The following CAMTA1 variants were observed in gnomAD, a reference collection of about 807,000 sequenced individuals.
CAMTA1 encodes the protein calmodulin binding transcription activator 1.
A neutral mutation model predicts 170.9 loss-of-function variants in CAMTA1; 27 were observed. That is an observed-to-expected ratio of 0.16 (90% CI 0.12 to 0.22). The LOEUF (loss-of-function observed/expected upper bound fraction) is 0.22. Ranked by LOEUF, CAMTA1 falls within the 10% of genes least tolerant of loss-of-function variation. The pLI is 1.00. For missense variants in CAMTA1, 1,619 were observed against 2,217.2 expected (o/e 0.73, Z 5.42); for synonymous variants, 833 against 891.5 (o/e 0.93, Z 1.17).
intron 4 of CAMTA1, among the ~76,000 whole-genome samples, chr1:7,132,512 C>T (rs995556954): frequency 2.0e-5 from 3 of 152,130 alleles, no homozygotes; most frequent in African/African-American, 7.2e-5. Context: ...TTTAATTTTA[C>T]ATAATTATAG....
chr1:7,449,783 A>AAG (rs1233895763), intron 5 of CAMTA1, among the ~76,000 whole-genome samples: 1 of 151,018 alleles, frequency 6.6e-6, no homozygotes, highest in Non-Finnish European at 1.5e-5. Flanking sequence ...AAAAAAAAAA[A>AAG]AAAAAGAAAG....
intron 11 of CAMTA1, among the ~76,000 whole-genome samples, chr1:7,701,747 C>T (rs1244209391): frequency 2.6e-5 from 4 of 152,100 alleles, no homozygotes; most frequent in African/African-American, 9.7e-5. Context: ...ACAAAAATTG[C>T]ACTTAACCTT....
Position 7,463,146 on chromosome 1 carries a change from C to T in CAMTA1, c.439-4684C>T, listed in dbSNP as rs541900735. On this transcript the variant is annotated intron_variant, in intron 5 of 22. Transcript: ENST00000303635. The surrounding 1 kb of genome is among the most constrained non-coding windows in gnomAD (Gnocchi z 4.7). ...ACACGGGGAGGGCTGCCCTGTGGCCCGCTGTGACCTTCAGGCCCCATCTGC... is the reference window on the plus strand; with the variant it reads ...ACACGGGGAGGGCTGCCCTGTGGCCTGCTGTGACCTTCAGGCCCCATCTGC... Among the ~76,000 whole-genome samples, 19 of 152,194 alleles carry T rather than the reference C, an allele frequency of 1.2e-4. No individual in the cohort carries two copies. Among genetic ancestry groups the T allele is most frequent in the Admixed American group, 3.9e-4 (6 of 15,278 alleles).
intron 3 of CAMTA1, among the ~76,000 whole-genome samples, chr1:6,989,654 TG>T (rs1320234792): frequency 6.6e-6 from 1 of 152,148 alleles, no homozygotes; most frequent in Non-Finnish European, 1.5e-5. Context: ...TAAAGATAGC[TG>T]TCTTCCCCCA....
chr1:7,449,548 T>G (rs7543012), intron 5 of CAMTA1, among the ~76,000 whole-genome samples: 1 of 151,666 alleles, frequency 6.6e-6, no homozygotes, highest in African/African-American at 2.4e-5. Context: ...GGCGGGCGGA[T>G]CAATTGAGGA....
intron 3 of CAMTA1, among the ~76,000 whole-genome samples, chr1:6,942,935 G>T (rs1351379406): frequency 2.0e-5 from 3 of 152,178 alleles, no homozygotes; most frequent in South Asian, 2.1e-4. Context: ...GCCGAGCAGG[G>T]CATGAGAAGG....
At chr1:7,550,153 C>T (rs2094779402) in intron 6 of CAMTA1, among the ~76,000 whole-genome samples, 1 of 152,052 alleles carries the variant, frequency 6.6e-6, no homozygotes, top group Non-Finnish European at 1.5e-5. Flanking sequence ...AGGCAGAAGA[C>T]AGCTGAGCTG....
At chr1:7,257,276 C>G (rs1276990960) in intron 5 of CAMTA1, among the ~76,000 whole-genome samples, 1 of 152,190 alleles carries the variant, frequency 6.6e-6, no homozygotes, top group African/African-American at 2.4e-5. Context: ...TTGGTAACAT[C>G]CCTATCAGGT....
chr1:6,805,759 C>T (rs1047701461), intron 1 of CAMTA1, among the ~76,000 whole-genome samples: 1 of 152,206 alleles, frequency 6.6e-6, no homozygotes, highest in Non-Finnish European at 1.5e-5. Context: ...GATCCTCCTG[C>T]CTTGGCCTCC....
At chr1:7,337,756 G>A (rs1252615500) in intron 5 of CAMTA1, among the ~76,000 whole-genome samples, 1 of 152,184 alleles carries the variant, frequency 6.6e-6, no homozygotes, top group Non-Finnish European at 1.5e-5. Context: ...GCAGACCGAG[G>A]TTTCCCTAAG....
chr1:7,688,356 A>G (rs1009983152), intron 11 of CAMTA1, among the ~76,000 whole-genome samples: 1 of 152,140 alleles, frequency 6.6e-6, no homozygotes, highest in Non-Finnish European at 1.5e-5. Context: ...CTGTTCCACT[A>G]AAAGCACAGC....
chr1:7,226,588 GT>G (rs1221789276), intron 4 of CAMTA1, among the ~76,000 whole-genome samples: 1 of 152,112 alleles, frequency 6.6e-6, no homozygotes, highest in Non-Finnish European at 1.5e-5. Context: ...CAGGGTCAAG[GT>G]TTTAGAGAAC....
At chr1:7,614,502 C>T (rs1278470212) in intron 6 of CAMTA1, among the ~76,000 whole-genome samples, 3 of 152,166 alleles carry the variant, frequency 2.0e-5, no homozygotes, top group South Asian at 2.1e-4. Context: ...GCGACCTTCC[C>T]GGAATAACTT....
In CAMTA1 at chr1:6,843,069, A is replaced by G. The variant is rs974342175; in HGVS notation, c.234+17859A>G. 3.3e-5 allele frequency among the ~76,000 whole-genome samples: 5 copies of G among 152,230 alleles called. No homozygotes were observed. In the South Asian group the frequency reaches 1.0e-3, roughly 31 times the overall value. On this transcript the variant is annotated intron_variant, in intron 3 of 22. Transcript: ENST00000303635. Reference sequence around the variant, plus strand: ...CGTCTGAATTTGGATTAAAACTCCTAAGCAGTATACGGTACTCAAAGCTTG... The same window carrying G: ...CGTCTGAATTTGGATTAAAACTCCTGAGCAGTATACGGTACTCAAAGCTTG...
chr1:7,755,505 T>C, intron 21 of CAMTA1, 133 bp from the exon 22 acceptor site: 1 of 736,598 alleles, frequency 1.4e-6, no homozygotes, highest in Non-Finnish European at 2.4e-6. Context: ...TACCCCACCA[T>C]CACTCTCCTT....
chr1:7,301,616 G>A (rs899812818), intron 5 of CAMTA1, among the ~76,000 whole-genome samples: 6 of 152,138 alleles, frequency 3.9e-5, no homozygotes, highest in African/African-American at 1.4e-4. Flanking sequence ...GGGGGAGTCT[G>A]CTCACCTCTT....
chr1:7,270,234 CATATATACAT>C (rs1558335795), intron 5 of CAMTA1, among the ~76,000 whole-genome samples: 3 of 80,732 alleles, frequency 3.7e-5, no homozygotes, highest in African/African-American at 5.5e-5. Flanking sequence ...TATATATACA[CATATATACAT>C]ACACACACAC....
chr1:7,738,175 G>C lies in CAMTA1; in HGVS notation c.3875G>C (p.Gly1292Ala), dbSNP rs1235537562. The C allele has an allele frequency of 3.1e-6, 5 of 1,613,934 alleles. No individual in the cohort carries two copies. Among genetic ancestry groups the C allele is most frequent in the African/African-American group, 2.7e-5 (2 of 74,934 alleles). The change falls in exon 16 of 23, where the codon GGA becomes GCA. Residue 1292 changes from glycine to alanine, a missense_variant. By Grantham distance (60) the Gly-to-Ala change is moderately conservative. Around this residue, in one of 8 missense-constraint regions of CAMTA1, gnomAD observed 370 missense variants for 429.4 expected, o/e 0.86. Coordinates refer to ENST00000303635, the MANE Select transcript of CAMTA1 (RefSeq NM_015215.4). This position sits in a 1 kb window ranked among gnomAD's most constrained non-coding sequence, Gnocchi z 4.9. Reference sequence around the variant, plus strand: ...CCCGAGACACTCAGCCCCAGTGAAGGAGTGAGGGACTTCAGCCGGGAACTC... The same window carrying C: ...CCCGAGACACTCAGCCCCAGTGAAGCAGTGAGGGACTTCAGCCGGGAACTC... ...SVPETLSPSE[G>A]VRDFSRELSP...
At chr1:6,845,076 G>A (rs1321626214) in intron 3 of CAMTA1, among the ~76,000 whole-genome samples, 2 of 152,214 alleles carry the variant, frequency 1.3e-5, no homozygotes, top group African/African-American at 4.8e-5. Context: ...TGAAGCACCT[G>A]TACGGGTGGC....
Sources: gnomAD v4.1 joint callset for allele counts (sites outside exome capture counted in the v4.1 genomes callset) on GRCh38, gnomAD v4.1.1 for gene constraint, gnomAD v4.1.1 regional missense constraint, Gnocchi (gnomAD v3.1) non-coding constraint, MANE v1.5 for transcripts, NCBI Gene and HGNC (gene_info 2026-07-23, HGNC 2026-07-21) for gene names.